The following DNAJC1 variants were observed in gnomAD, a reference collection of about 807,000 sequenced individuals.
DNAJC1 encodes DnaJ heat shock protein family (Hsp40) member C1.
Under a neutral mutation model 76.6 loss-of-function variants are expected in DNAJC1, and 58 were observed. That is an observed-to-expected ratio of 0.76 (90% CI 0.61 to 0.94). The LOEUF (loss-of-function observed/expected upper bound fraction) is 0.94, where lower values mean the gene tolerates loss of function less well. DNAJC1 is among the 40% of genes least tolerant of loss of function. DNAJC1 has a pLI of 0.00. For missense variants in DNAJC1, 689 were observed against 677.3 expected (o/e 1.02, Z -0.19); for synonymous variants, 258 against 267.9 (o/e 0.96, Z 0.36).
chr10:21,965,378 A>G (rs942526669), intron 1 of DNAJC1, among the ~76,000 whole-genome samples: 1 of 152,182 alleles, frequency 6.6e-6, no homozygotes, highest in East Asian at 1.9e-4. Flanking sequence ...AAACTTAACC[A>G]TACTACAAGT....
intron 8 of DNAJC1, among the ~76,000 whole-genome samples, chr10:21,814,104 T>G (rs1379734196): frequency 6.6e-6 from 1 of 152,196 alleles, no homozygotes; most frequent in Non-Finnish European, 1.5e-5. Flanking sequence ...AATGAGGGCC[T>G]TGTAGAGATT....
chr10:21,991,724 T>G (rs1838328950), intron 1 of DNAJC1, among the ~76,000 whole-genome samples: 1 of 152,240 alleles, frequency 6.6e-6, no homozygotes, highest in Non-Finnish European at 1.5e-5. Flanking sequence ...CAATAAGCAT[T>G]AGGCATATTT....
At chr10:21,756,809 GTCA>G (rs1834181283) in intron 11 of DNAJC1, 54 bp from the exon 12 acceptor site, 1 of 1,540,064 alleles carries the variant, frequency 6.5e-7, no homozygotes. Context: ...AGTCAGTGTG[GTCA>G]TCATGTGGCC....
At chr10:22,000,744 A>C (rs1025547106) in intron 1 of DNAJC1, among the ~76,000 whole-genome samples, 20 of 152,244 alleles carry the variant, frequency 1.3e-4, no homozygotes, top group Non-Finnish European at 2.4e-4. Flanking sequence ...TAGTGTCCTT[A>C]TAAAAGAAGC....
chr10:21,779,831 A>G (rs1181801592), intron 9 of DNAJC1, among the ~76,000 whole-genome samples: 1 of 152,160 alleles, frequency 6.6e-6, no homozygotes, highest in African/African-American at 2.4e-5. Flanking sequence ...CATCGCAAAG[A>G]AGCTAAAAAC....
chr10:21,879,242 T>A (rs1483060612), intron 8 of DNAJC1, among the ~76,000 whole-genome samples: 1 of 152,198 alleles, frequency 6.6e-6, no homozygotes, highest in African/African-American at 2.4e-5. Context: ...CTCAGAGATA[T>A]TCCAAGTTCA....
At chr10:21,989,098 G>A (rs956980183) in intron 1 of DNAJC1, among the ~76,000 whole-genome samples, 9 of 152,176 alleles carry the variant, frequency 5.9e-5, no homozygotes, top group African/African-American at 2.2e-4. Context: ...AAGGAACAGG[G>A]ATGGAATGGT....
chr10:21,869,505 T>G (rs1053985164), intron 8 of DNAJC1, among the ~76,000 whole-genome samples: 2 of 152,122 alleles, frequency 1.3e-5, no homozygotes, highest in African/African-American at 4.8e-5. Context: ...CTGTAACTAT[T>G]GTCTCCCTAA....
intron 6 of DNAJC1, among the ~76,000 whole-genome samples, chr10:21,908,169 TA>T: frequency 9.6e-6 from 1 of 104,090 alleles, no homozygotes; most frequent in South Asian, 2.3e-4. Context: ...TAAAAATATA[TA>T]ATATATAATA....
intron 6 of DNAJC1, among the ~76,000 whole-genome samples, chr10:21,910,995 G>C (rs1042149384): frequency 6.7e-6 from 1 of 149,588 alleles, no homozygotes; most frequent in Admixed American, 6.7e-5. Context: ...AAGAGGGAGA[G>C]AGGGAGAAAG....
chr10:21,765,947 G>C (rs1162369008), intron 10 of DNAJC1, among the ~76,000 whole-genome samples: 2 of 152,236 alleles, frequency 1.3e-5, no homozygotes, highest in Non-Finnish European at 2.9e-5. Flanking sequence ...CAGGGAAACA[G>C]TGTGCACATA....
intron 3 of DNAJC1, among the ~76,000 whole-genome samples, chr10:21,921,344 A>AT (rs1837039556): frequency 6.6e-6 from 1 of 152,018 alleles, no homozygotes; most frequent in Non-Finnish European, 1.5e-5. Flanking sequence ...AAAGATCAAG[A>AT]TAAGAGCTGT....
chr10:21,985,864 TTTCAC>T (rs927675299), intron 1 of DNAJC1, among the ~76,000 whole-genome samples: 1 of 152,134 alleles, frequency 6.6e-6, no homozygotes, highest in African/African-American at 2.4e-5. Flanking sequence ...GGACAAATAT[TTTCAC>T]TTCTCTTCTG....
intron 8 of DNAJC1, among the ~76,000 whole-genome samples, chr10:21,873,214 G>A (rs370563275): frequency 6.6e-6 from 1 of 152,156 alleles, no homozygotes; most frequent in African/African-American, 2.4e-5. Flanking sequence ...TTTTGGAGAC[G>A]TGAGCCCGCC....
chr10:21,787,979 T>A (rs1684433315), intron 9 of DNAJC1, among the ~76,000 whole-genome samples: 1 of 152,202 alleles, frequency 6.6e-6, no homozygotes, highest in Non-Finnish European at 1.5e-5. Flanking sequence ...AGTCATGGTA[T>A]CCCTTCATCC....
intron 8 of DNAJC1, among the ~76,000 whole-genome samples, chr10:21,873,225 A>C (rs187441641): frequency 6.6e-6 from 1 of 152,216 alleles, no homozygotes; most frequent in East Asian, 1.9e-4. Context: ...TGAGCCCGCC[A>C]ATGCTCCCAG....
chr10:22,000,237 G>C (rs923615113), intron 1 of DNAJC1, among the ~76,000 whole-genome samples: 2 of 152,096 alleles, frequency 1.3e-5, no homozygotes, highest in African/African-American at 4.8e-5. Context: ...CTACCACCCA[G>C]GTCCAATCTA....
At chr10:21,884,729 T>G (rs982859950) in intron 7 of DNAJC1, among the ~76,000 whole-genome samples, 9 of 152,250 alleles carry the variant, frequency 5.9e-5, no homozygotes, top group South Asian at 2.1e-4. Context: ...ACCATTGAAG[T>G]AGAGCAATAG....
chr10:21,938,950 G>A (rs573301911), intron 1 of DNAJC1, among the ~76,000 whole-genome samples: 2 of 152,290 alleles, frequency 1.3e-5, no homozygotes, highest in African/African-American at 2.4e-5. Flanking sequence ...GAGTGCAGTC[G>A]TGTGACCTCA....
Sources: gnomAD v4.1 joint callset for allele counts (sites outside exome capture counted in the v4.1 genomes callset) on GRCh38, gnomAD v4.1.1 for gene constraint, MANE v1.5 for transcripts, NCBI Gene and HGNC (gene_info 2026-07-23, HGNC 2026-07-21) for gene names.